Variants in SHC3 observed in about 807,000 individuals in gnomAD.
SHC3 encodes the protein SHC adaptor protein 3, also known as SHC-transforming protein 3.
A neutral mutation model predicts 60.4 loss-of-function variants in SHC3; 15 were observed. That is an observed-to-expected ratio of 0.25 (90% CI 0.17 to 0.38). The LOEUF (loss-of-function observed/expected upper bound fraction) is 0.38. SHC3 is among the 10% of genes least tolerant of loss of function. SHC3 has a pLI of 1.00. For synonymous variants in SHC3, 294 were observed against 325.9 expected, an observed-to-expected ratio of 0.90 and a Z score of 1.05; for missense variants, 677 against 786.1, an observed-to-expected ratio of 0.86 and a Z score of 1.66.
intron 1 of SHC3, among the ~76,000 whole-genome samples, chr9:89,118,227 T>TC (rs1826044694): frequency 6.6e-6 from 1 of 151,652 alleles, no homozygotes. Context: ...CCTATTTTTT[T>TC]TTTTTTTTTG....
rs1826252845 is a variant in SHC3, at chr9:89,024,352, A to T, written c.1657-10777T>A. Among the ~76,000 whole-genome samples, 3 of 152,172 alleles carry T rather than the reference A, an allele frequency of 2.0e-5. No homozygotes were observed. In the South Asian group the frequency reaches 6.2e-4, roughly 32 times the overall value. On this transcript the variant is annotated intron_variant, in intron 11 of 11. Coordinates refer to ENST00000375835, the MANE Select transcript of SHC3 (RefSeq NM_016848.6). ...GAGTGCAATGGTACGATCATAGTTC[A>T]CTACAGCCTCAAACCCCTGGGCTCA...
intron 2 of SHC3, among the ~76,000 whole-genome samples, chr9:89,103,249 G>C (rs546554848): frequency 6.6e-6 from 1 of 152,104 alleles, no homozygotes; most frequent in Non-Finnish European, 1.5e-5. Flanking sequence ...GGGAAAAAGA[G>C]AAATGACAAG....
intron 6 of SHC3, among the ~76,000 whole-genome samples, chr9:89,059,766 A>ACAG (rs1825046672): frequency 3.5e-4 from 22 of 62,138 alleles, no homozygotes; most frequent in African/African-American, 5.6e-4. Context: ...GTGGTGGAGG[A>ACAG]TGGTGGTGGA....
At chr9:89,097,505 G>A (rs143356586) in intron 2 of SHC3, among the ~76,000 whole-genome samples, 1 of 152,182 alleles carries the variant, frequency 6.6e-6, no homozygotes, top group Middle Eastern at 3.2e-3. Flanking sequence ...AGGCCCTGGG[G>A]GCAGAAAGGA....
chr9:89,023,547 C>G (rs890842745), intron 11 of SHC3, among the ~76,000 whole-genome samples: 2 of 152,216 alleles, frequency 1.3e-5, no homozygotes, highest in Admixed American at 6.5e-5. Context: ...CTCCAGAAAA[C>G]TGCTTGGCTT....
intron 6 of SHC3, 89 bp downstream of exon 6, chr9:89,065,440 G>T (rs1160774870): frequency 6.0e-6 from 8 of 1,335,848 alleles, no homozygotes; most frequent in Non-Finnish European, 8.6e-6. Flanking sequence ...TTTGTTGGGA[G>T]GGGGCTGAGA....
chr9:89,178,517 G>T lies in SHC3; in HGVS notation c.-57C>A. On this transcript the variant is annotated 5_prime_UTR_variant, in exon 1 of 12. Coordinates refer to ENST00000375835, the MANE Select transcript of SHC3 (RefSeq NM_016848.6). This position sits in a 1 kb window ranked among gnomAD's most constrained non-coding sequence, Gnocchi z 6.9. ...GCGCTGCTGGTGCCGGCCCCGGCGC[G>T]GGCTGCCGCGCATAGCAGGCGAGCC... 1 of 1,395,748 alleles carries T rather than the reference G, an allele frequency of 7.2e-7. No homozygotes were observed. Among genetic ancestry groups the T allele is most frequent in the Non-Finnish European group, 9.4e-7 (1 of 1,066,678 alleles). 86.5% of individuals were successfully genotyped at this position (1,395,748 alleles called of 1,614,324 possible).
chr9:89,062,963 G>A (rs1331572813), intron 6 of SHC3, among the ~76,000 whole-genome samples: 1 of 152,234 alleles, frequency 6.6e-6, no homozygotes, highest in Non-Finnish European at 1.5e-5. Flanking sequence ...TGGGCTGCTG[G>A]AGGGATGCAG....
In SHC3 at chr9:89,077,826, A is replaced by C. The variant is rs368727337; in HGVS notation, c.609+14T>G. 2.0e-5 allele frequency: 33 copies of C among 1,614,094 alleles called. No individual in the cohort carries two copies. Among genetic ancestry groups the C allele is most frequent in the Non-Finnish European group, 2.7e-5 (32 of 1,180,022 alleles). On this transcript the variant is annotated intron_variant, in intron 3 of 11. Coordinates refer to ENST00000375835, the MANE Select transcript of SHC3 (RefSeq NM_016848.6). ...GAGGAGACACAGTTAGACACAGAGC[A>C]TTGAGGACAGTACCTTTCTCTTCTT...
intron 1 of SHC3, among the ~76,000 whole-genome samples, chr9:89,125,487 G>A (rs1030475268): frequency 1.2e-4 from 18 of 152,124 alleles, no homozygotes; most frequent in African/African-American, 3.6e-4. Context: ...TGTCAGAGGC[G>A]TTTGAACCAG....
intron 1 of SHC3, among the ~76,000 whole-genome samples, chr9:89,175,706 CTTTATA>C (rs1826933209): frequency 6.6e-6 from 1 of 152,086 alleles, no homozygotes; most frequent in African/African-American, 2.4e-5. Flanking sequence ...AACCCTAAAC[CTTTATA>C]TTTTACTATT....
At chr9:89,030,906 C>T (rs1337995668) in intron 11 of SHC3, among the ~76,000 whole-genome samples, 1 of 152,078 alleles carries the variant, frequency 6.6e-6, no homozygotes, top group Non-Finnish European at 1.5e-5. Context: ...TCCTCTGTCC[C>T]CTGTAATTTT....
In SHC3 at chr9:89,066,958, C is replaced by T. The variant is rs116822864; in HGVS notation, c.784-1378G>A. The stretch of plus-strand genomic sequence containing the variant: ...ACACCCCATCCCGCTGGATCTTACA[C>T]AGCCCAACAAGACCACACCAGTGTA... On this transcript the variant is annotated intron_variant, in intron 5 of 11. Coordinates refer to ENST00000375835, the MANE Select transcript of SHC3 (RefSeq NM_016848.6). Among the ~76,000 whole-genome samples the T allele has an allele frequency of 3.4e-3, 518 of 152,310 alleles. 4 individuals are homozygous for T. Among genetic ancestry groups the T allele is most frequent in the African/African-American group, 0.012 (501 of 41,566 alleles).
intron 2 of SHC3, among the ~76,000 whole-genome samples, chr9:89,111,313 C>T (rs959727081): frequency 3.3e-5 from 5 of 152,178 alleles, no homozygotes; most frequent in African/African-American, 1.2e-4. Context: ...CACACAGTTC[C>T]CATATTCCTC....
intron 1 of SHC3, among the ~76,000 whole-genome samples, chr9:89,118,527 C>G (rs1826047964): frequency 6.6e-6 from 1 of 151,772 alleles, no homozygotes; most frequent in African/African-American, 2.4e-5. Context: ...TTTCATGGCT[C>G]CCAGGAGAAA....
chr9:89,093,204 C>A (rs1825651284), intron 2 of SHC3, among the ~76,000 whole-genome samples: 1 of 152,210 alleles, frequency 6.6e-6, no homozygotes, highest in African/African-American at 2.4e-5. Context: ...AGGTAGCCCT[C>A]AAAACCTTAA....
chr9:89,096,060 C>A (rs978407141), intron 2 of SHC3, among the ~76,000 whole-genome samples: 2 of 152,128 alleles, frequency 1.3e-5, no homozygotes, highest in African/African-American at 2.4e-5. Flanking sequence ...CAAACCACAG[C>A]TAAAAAATAA....
chr9:89,098,979 A>AT (rs1195996373), intron 2 of SHC3, among the ~76,000 whole-genome samples: 12 of 152,052 alleles, frequency 7.9e-5, no homozygotes, highest in African/African-American at 2.9e-4. Context: ...CTCAAAATAA[A>AT]TAAATAAATT....
chr9:89,139,114 C>T (rs1826357964), intron 1 of SHC3, among the ~76,000 whole-genome samples: 1 of 152,138 alleles, frequency 6.6e-6, no homozygotes, highest in Non-Finnish European at 1.5e-5. Flanking sequence ...GGATTGTTAG[C>T]TGATTCTAAT....
Sources: gnomAD v4.1 joint callset for allele counts (sites outside exome capture counted in the v4.1 genomes callset) on GRCh38, gnomAD v4.1.1 for gene constraint, Gnocchi (gnomAD v3.1) non-coding constraint, MANE v1.5 for transcripts, NCBI Gene and HGNC (gene_info 2026-07-23, HGNC 2026-07-21) for gene names.